Variants in OR3A2 observed in about 807,000 individuals in gnomAD.
OR3A2 encodes olfactory receptor family 3 subfamily A member 2, also known as olfactory receptor 3A2.
For synonymous variants in OR3A2, 126 were observed against 159.3 expected (o/e 0.79, Z 1.57); for missense variants, 318 against 392.8 (o/e 0.81, Z 1.61).
chr17:3,276,828 C>A (rs1271417633), downstream of OR3A2: 1 of 151,998 alleles, frequency 6.6e-6, no homozygotes, highest in Non-Finnish European at 1.5e-5. Flanking sequence ...CCTTTTATGA[C>A]CTTAAGATAT....
At chr17:3,326,887 C>A (rs1460284880) in intron 3 of OR3A2, among the ~76,000 whole-genome samples, 2 of 130,506 alleles carry the variant, frequency 1.5e-5, no homozygotes, top group Non-Finnish European at 3.1e-5. Flanking sequence ...ATGAACTCAT[C>A]ATTTTTTATG....
At chr17:3,292,051 T>C in intron 3 of OR3A2, 2 of 1,614,144 alleles carry the variant, frequency 1.2e-6, no homozygotes, top group South Asian at 2.2e-5. Flanking sequence ...TAGAAGTGAT[T>C]GATCACATTG....
intron 3 of OR3A2, among the ~76,000 whole-genome samples, chr17:3,318,359 T>G (rs904338131): frequency 1.3e-5 from 2 of 152,168 alleles, no homozygotes; most frequent in Non-Finnish European, 2.9e-5. Flanking sequence ...AGAGGCCAAT[T>G]AGTGATGGGG....
chr17:3,301,140 C>T (rs910068847), intron 3 of OR3A2, among the ~76,000 whole-genome samples: 2 of 152,078 alleles, frequency 1.3e-5, no homozygotes, highest in African/African-American at 2.4e-5. Flanking sequence ...TGAATGGTGC[C>T]ACAATAAACA....
intron 2 of OR3A2, among the ~76,000 whole-genome samples, chr17:3,366,458 C>G (rs2049564236): frequency 1.3e-5 from 2 of 152,202 alleles, no homozygotes; most frequent in East Asian, 3.8e-4. Context: ...TGTCATTTAT[C>G]ATACCACAGT....
intron 3 of OR3A2, among the ~76,000 whole-genome samples, chr17:3,333,547 C>G (rs575800926): frequency 2.0e-3 from 301 of 152,252 alleles, no homozygotes; most frequent in Non-Finnish European, 3.1e-3. Context: ...GTGGACATCA[C>G]GGACCTGCCA....
chr17:3,333,839 T>C (rs1253442102), intron 3 of OR3A2, among the ~76,000 whole-genome samples: 12 of 151,548 alleles, frequency 7.9e-5, no homozygotes, highest in Admixed American at 7.9e-4. Context: ...GGGAGAAAAA[T>C]TTTCCAGTCT....
chr17:3,342,723 G>C (rs1227314696), intron 2 of OR3A2, among the ~76,000 whole-genome samples: 1 of 152,236 alleles, frequency 6.6e-6, no homozygotes, highest in African/African-American at 2.4e-5. Flanking sequence ...TCCAAGTTAG[G>C]CTACCTGGGG....
intron 3 of OR3A2, among the ~76,000 whole-genome samples, chr17:3,316,031 T>C (rs2676609): frequency 0.034 from 5,125 of 152,148 alleles, 281 homozygotes; most frequent in African/African-American, 0.11. Context: ...TCCCTGAAGA[T>C]TGAAATATCA....
chr17:3,290,721 C>CA (rs1269986320), intron 3 of OR3A2, among the ~76,000 whole-genome samples: 1 of 152,202 alleles, frequency 6.6e-6, no homozygotes, highest in Non-Finnish European at 1.5e-5. Flanking sequence ...GTCAGAGCCA[C>CA]ACTCCCCTAC....
intron 3 of OR3A2, among the ~76,000 whole-genome samples, chr17:3,331,077 G>A (rs1008096391): frequency 6.6e-6 from 1 of 152,182 alleles, no homozygotes; most frequent in Admixed American, 6.5e-5. Context: ...TCTGCCGAGA[G>A]ATCAGCTGTT....
At chr17:3,365,996 AC>A (rs780332268) in intron 2 of OR3A2, among the ~76,000 whole-genome samples, 1 of 152,216 alleles carries the variant, frequency 6.6e-6, no homozygotes, top group Non-Finnish European at 1.5e-5. Context: ...CCTGGGCACC[AC>A]TGCTAGAATG....
At chr17:3,366,071 A>G (rs1348834284) in intron 2 of OR3A2, among the ~76,000 whole-genome samples, 2 of 152,226 alleles carry the variant, frequency 1.3e-5, no homozygotes, top group Non-Finnish European at 2.9e-5. Context: ...ACCAGGGACT[A>G]GTTAGCGGAA....
At chr17:3,346,087 T>C (rs1053647301) in intron 2 of OR3A2, among the ~76,000 whole-genome samples, 1 of 152,178 alleles carries the variant, frequency 6.6e-6, no homozygotes, top group Non-Finnish European at 1.5e-5. Context: ...TTTTAAAATA[T>C]ATTTTTGAAG....
At chr17:3,356,824 G>C (rs189978087) in intron 2 of OR3A2, among the ~76,000 whole-genome samples, 122 of 151,662 alleles carry the variant, frequency 8.0e-4, no homozygotes, top group Non-Finnish European at 1.3e-3. Flanking sequence ...TTCTCCAACT[G>C]TCTCATCTTT....
At chr17:3,321,870 G>C (rs7502030) in intron 3 of OR3A2, among the ~76,000 whole-genome samples, 13,046 of 152,086 alleles carry the variant, frequency 0.086, 1,071 homozygotes, top group East Asian at 0.48. Context: ...GCCAGCCTTT[G>C]GTATCAGGAT....
chr17:3,362,948 C>T (rs1293510388), intron 2 of OR3A2, among the ~76,000 whole-genome samples: 1 of 151,896 alleles, frequency 6.6e-6, no homozygotes, highest in African/African-American at 2.4e-5. Context: ...CTTTTAGCCA[C>T]AGCTGGAGCT....
intron 3 of OR3A2, chr17:3,291,731 G>T (rs1165033622): frequency 6.2e-7 from 1 of 1,613,654 alleles, no homozygotes; most frequent in African/African-American, 1.3e-5. Flanking sequence ...GCATGGGATT[G>T]ATGACAGTGT....
chr17:3,333,470 C>T (rs1456958270), intron 3 of OR3A2, among the ~76,000 whole-genome samples: 1 of 152,130 alleles, frequency 6.6e-6, no homozygotes. Flanking sequence ...TTGTGACCTA[C>T]TCCCTGTTCG....
Sources: allele counts gnomAD v4.1 joint callset (sites outside exome capture counted in the v4.1 genomes callset), GRCh38; gene constraint gnomAD v4.1.1; transcripts MANE v1.5; gene names NCBI Gene and HGNC (gene_info 2026-07-23, HGNC 2026-07-21).